The following LAPTM4A variants were observed in gnomAD, a reference collection of about 807,000 sequenced individuals.
LAPTM4A encodes lysosomal-associated transmembrane protein 4A.
In LAPTM4A, 19 loss-of-function variants were observed where a neutral mutation model predicts 29.9. The ratio of observed to expected loss-of-function variants is 0.64; its 90% CI spans 0.44 to 0.93. The LOEUF is 0.93. LAPTM4A is among the 40% of genes least tolerant of loss of function. The pLI is 0.00. For missense variants in LAPTM4A, 293 were observed against 288.5 expected, an observed-to-expected ratio of 1.02 and a Z score of -0.11; for synonymous variants, 105 against 102.1, an observed-to-expected ratio of 1.03 and a Z score of -0.17.
At position 20,051,588 on chromosome 2, in the gene LAPTM4A, A is replaced by C; in HGVS notation, c.-68T>G. 4 of 1,032,094 alleles carry C rather than the reference A, an allele frequency of 3.9e-6. No individual in the cohort carries two copies. The highest frequency in any genetic ancestry group is 5.8e-6 in the Non-Finnish European group (4 of 692,728). The allele number at this position is 1,032,094 out of a possible 1,614,324, so 63.9% of individuals were successfully genotyped here. ...GTTCTCCACCCGCAGCCAAACTCAA[A>C]CGGCTGTTTCACGGCCTCCAAAACC... On this transcript the variant is annotated 5_prime_UTR_variant, in exon 1 of 7. Coordinates refer to ENST00000175091, the MANE Select transcript of LAPTM4A (RefSeq NM_014713.5).
intron 2 of LAPTM4A, 63 bp downstream of exon 2, chr2:20,040,828 A>C: frequency 7.0e-7 from 1 of 1,435,506 alleles, no homozygotes; most frequent in Non-Finnish European, 9.7e-7. Context: ...ATCATTAAAC[A>C]ACACAGGACT....
At chr2:20,041,958 C>T (rs1325792915) in intron 1 of LAPTM4A, among the ~76,000 whole-genome samples, 1 of 152,226 alleles carries the variant, frequency 6.6e-6, no homozygotes, top group Non-Finnish European at 1.5e-5. Flanking sequence ...ATTCCTCTGA[C>T]TAGCATGTTT....
At chr2:20,038,581 AC>A (rs1397411712) in intron 2 of LAPTM4A, among the ~76,000 whole-genome samples, 2 of 152,056 alleles carry the variant, frequency 1.3e-5, no homozygotes, top group African/African-American at 4.8e-5. Context: ...AAGCACCACC[AC>A]ATCCAGCTAA....
rs200406565 is a variant in LAPTM4A, at chr2:20,035,098, C to T, written c.433-36G>A. Reference sequence around the variant, plus strand: ...AACACACACACATTTACAAGTCAGCCATCGCACTAGCACTTGCTGATAACC... The same window carrying T: ...AACACACACACATTTACAAGTCAGCTATCGCACTAGCACTTGCTGATAACC... On this transcript the variant is annotated intron_variant, in intron 4 of 6. Coordinates refer to ENST00000175091, the MANE Select transcript of LAPTM4A (RefSeq NM_014713.5). 3.7e-5 allele frequency: 53 copies of T among 1,414,624 alleles called. No homozygotes were observed. The East Asian group carries it at 1.2e-3, about 33-fold the overall frequency. 87.6% of individuals were successfully genotyped at this position (1,414,624 alleles called of 1,614,324 possible). A position where few individuals can be genotyped will look rare whatever the true frequency, so the allele number is the denominator to read the frequency against.
At chr2:20,044,023 T>G (rs1673860871) in intron 1 of LAPTM4A, among the ~76,000 whole-genome samples, 2 of 152,254 alleles carry the variant, frequency 1.3e-5, no homozygotes, top group African/African-American at 4.8e-5. Flanking sequence ...TAGACTTTAC[T>G]GTCTATGTTC....
At chr2:20,042,036 A>C (rs1363449707) in intron 1 of LAPTM4A, among the ~76,000 whole-genome samples, 5 of 152,244 alleles carry the variant, frequency 3.3e-5, no homozygotes, top group Admixed American at 1.3e-4. Context: ...ATATATTAAA[A>C]TGAGGTAAAG....
In LAPTM4A at chr2:20,045,558, G is replaced by A. The variant is rs749426839; in HGVS notation, c.112-4547C>T. 2.1e-4 allele frequency among the ~76,000 whole-genome samples: 32 copies of A among 152,242 alleles called. No homozygotes were observed. The Middle Eastern group carries it at 0.017, about 81-fold the overall frequency. ...GCAATATTTTAGCAGCATGGGCTGCGGATTCACCACTCAATGTGTTAACAG... is the reference window on the plus strand; with the variant it reads ...GCAATATTTTAGCAGCATGGGCTGCAGATTCACCACTCAATGTGTTAACAG... On this transcript the variant is annotated intron_variant, in intron 1 of 6. Coordinates refer to ENST00000175091, the MANE Select transcript of LAPTM4A (RefSeq NM_014713.5).
intron 1 of LAPTM4A, among the ~76,000 whole-genome samples, chr2:20,044,737 G>A (rs1022432249): frequency 1.3e-5 from 2 of 152,102 alleles, no homozygotes; most frequent in African/African-American, 2.4e-5. Context: ...AAAATAAATC[G>A]TAGGGCCAAT....
At chr2:20,035,832 T>A (rs1673666037) in intron 4 of LAPTM4A, among the ~76,000 whole-genome samples, 1 of 152,142 alleles carries the variant, frequency 6.6e-6, no homozygotes, top group African/African-American at 2.4e-5. Context: ...TAAAGCTGAT[T>A]TAATTTTTTT....
At chr2:20,034,498 T>TC in intron 5 of LAPTM4A, 83 bp from the exon 6 acceptor site, 1 of 898,764 alleles carries the variant, frequency 1.1e-6, no homozygotes, top group Non-Finnish European at 1.9e-6. Context: ...TAGAATGCTT[T>TC]CCCCACACAT....
chr2:20,045,581 C>A (rs974837661), intron 1 of LAPTM4A, among the ~76,000 whole-genome samples: 3 of 152,216 alleles, frequency 2.0e-5, no homozygotes, highest in African/African-American at 7.2e-5. Flanking sequence ...AATGTGTTAA[C>A]AGTACTGTAA....
chr2:20,033,148 T>C lies in LAPTM4A; in HGVS notation c.*57A>G. The C allele has an allele frequency of 1.4e-6, 2 of 1,382,136 alleles. No individual in the cohort carries two copies. The highest frequency in any genetic ancestry group is 2.3e-5 in the South Asian group (2 of 86,388). The allele number at this position is 1,382,136 out of a possible 1,614,324, so 85.6% of individuals were successfully genotyped here. A position where few individuals can be genotyped will look rare whatever the true frequency, so the allele number is the denominator to read the frequency against. On this transcript the variant is annotated 3_prime_UTR_variant, in exon 7 of 7. Coordinates refer to ENST00000175091, the MANE Select transcript of LAPTM4A (RefSeq NM_014713.5). ...TGAAGAGCCCTGAATTGCAGCATTCTGTAACATAAACAAACAAAAAGCTGG... is the reference window on the plus strand; with the variant it reads ...TGAAGAGCCCTGAATTGCAGCATTCCGTAACATAAACAAACAAAAAGCTGG...
chr2:20,038,439 T>C (rs1301912683), intron 2 of LAPTM4A, among the ~76,000 whole-genome samples: 6 of 152,190 alleles, frequency 3.9e-5, no homozygotes, highest in Non-Finnish European at 2.9e-5. Context: ...TTTCTTTCTT[T>C]TCCTGAGACA....
chr2:20,037,133 TTACTC>T (rs1196490676), intron 4 of LAPTM4A, among the ~76,000 whole-genome samples, 178 bp downstream of exon 4: 1 of 152,198 alleles, frequency 6.6e-6, no homozygotes, highest in Non-Finnish European at 1.5e-5. Context: ...TGGTAAGAAA[TTACTC>T]TACTTTCATC....
rs1205148699 is a variant in LAPTM4A, at chr2:20,051,399, G to A, written c.111+11C>T. 28 of 1,586,318 alleles carry A rather than the reference G, an allele frequency of 1.8e-5. No individual in the cohort carries two copies. Among genetic ancestry groups the A allele is most frequent in the Non-Finnish European group, 2.3e-5 (27 of 1,157,108 alleles). ...CCCCCCGGACATACGCGCCACGCCT[G>A]CCCGCCTTACCATGTACCAGGTCCC... On this transcript the variant is annotated intron_variant, in intron 1 of 6. Transcript: ENST00000175091.
In LAPTM4A at chr2:20,051,515, C is replaced by T; in HGVS notation, c.6G>A (p.Val2=). 2 of 1,600,210 alleles carry T rather than the reference C, an allele frequency of 1.2e-6. No homozygotes were observed. Among genetic ancestry groups the T allele is most frequent in the Non-Finnish European group, 1.7e-6 (2 of 1,171,836 alleles). The change falls in exon 1 of 7, where the codon GTG becomes GTA. Residue 2 remains valine, a synonymous_variant. Coordinates refer to ENST00000175091, the MANE Select transcript of LAPTM4A (RefSeq NM_014713.5). The part of the protein sequence containing the change: M[V]SMSFKRNRSD... Reference sequence around the variant, plus strand: ...TGCGGTTCCGCTTGAAACTCATGGACACCATCGTAACAGGCGGGCCTCCTT... The same window carrying T: ...TGCGGTTCCGCTTGAAACTCATGGATACCATCGTAACAGGCGGGCCTCCTT...
At chr2:20,046,184 C>T (rs543176176) in intron 1 of LAPTM4A, among the ~76,000 whole-genome samples, 35 of 152,184 alleles carry the variant, frequency 2.3e-4, no homozygotes, top group African/African-American at 8.2e-4. Flanking sequence ...CACACACCTA[C>T]ACCAGGGCCT....
intron 1 of LAPTM4A, among the ~76,000 whole-genome samples, chr2:20,048,303 AGAAAACC>A (rs1238232900): frequency 6.6e-6 from 1 of 152,256 alleles, no homozygotes; most frequent in Non-Finnish European, 1.5e-5. Flanking sequence ...TAAATGATAG[AGAAAACC>A]ATTTCAGGAA....
intron 4 of LAPTM4A, 22 bp from the exon 5 acceptor site, chr2:20,035,084 AT>A: frequency 6.5e-7 from 1 of 1,540,998 alleles, no homozygotes; most frequent in South Asian, 1.1e-5. Context: ...ACACACACAC[AT>A]TTACAAGTCA....
Sources: allele counts gnomAD v4.1 joint callset (sites outside exome capture counted in the v4.1 genomes callset), GRCh38; gene constraint gnomAD v4.1.1; transcripts MANE v1.5; gene names NCBI Gene and HGNC (gene_info 2026-07-23, HGNC 2026-07-21).